CCDC25: variants seen among roughly 807,000 people sequenced by gnomAD.
The protein encoded by CCDC25 is coiled-coil domain-containing protein 25.
Under a neutral mutation model 35.3 loss-of-function variants are expected in CCDC25, and 16 were observed. The observed-to-expected ratio is 0.45, with a 90% CI of 0.31 to 0.69. CCDC25 has a LOEUF of 0.69. Among genes scored for constraint, CCDC25 ranks in the 30% least tolerant of loss-of-function variants. The pLI, the probability that CCDC25 is intolerant of heterozygous loss-of-function variation, is 0.06. For missense variants in CCDC25, 179 were observed against 250.7 expected, an observed-to-expected ratio of 0.71 and a Z score of 1.93; for synonymous variants, 79 against 80.3, an observed-to-expected ratio of 0.98 and a Z score of 0.09.
chr8:27,749,830 C>T, intron 5 of CCDC25, among the ~76,000 whole-genome samples: 1 of 152,130 alleles, frequency 6.6e-6, no homozygotes, highest in Non-Finnish European at 1.5e-5. Flanking sequence ...AGGACATGTT[C>T]AAGGGTCATG....
At chr8:27,756,268 A>AG in intron 4 of CCDC25, 1 of 156,862 alleles carries the variant, frequency 6.4e-6, no homozygotes, top group Non-Finnish European at 1.4e-5. Context: ...TTGTATTACT[A>AG]GGGGCCACTA....
intron 3 of CCDC25, among the ~76,000 whole-genome samples, chr8:27,762,031 A>G (rs4236674): frequency 0.98 from 149,029 of 152,288 alleles, 73,010 homozygotes; most frequent in Middle Eastern, 1. Context: ...AAGCTGGACC[A>G]GTAAGAACCT....
At chr8:27,746,763 C>G (rs1803616028) in intron 7 of CCDC25, among the ~76,000 whole-genome samples, 1 of 152,168 alleles carries the variant, frequency 6.6e-6, no homozygotes, top group Admixed American at 6.6e-5. Context: ...GGTAACATTT[C>G]TGAAGCTCTC....
At chr8:27,749,012 T>C (rs1803703619) in intron 5 of CCDC25, among the ~76,000 whole-genome samples, 1 of 152,204 alleles carries the variant, frequency 6.6e-6, no homozygotes, top group Non-Finnish European at 1.5e-5. Context: ...TATCCGGGAC[T>C]ACCACGAGCT....
rs563832920 is a variant in CCDC25 at position 27,740,405 on chromosome 8, C to T, written c.597+67G>A. On this transcript the variant is annotated intron_variant, in intron 8 of 8. Transcript: ENST00000356537. ...CATGTAAGGCAATAATGGCCAGTAA[C>T]ACAATTATTAAAAACCCTTAGTGAA... is the stretch of plus-strand genomic sequence containing the variant. 10 of 1,477,922 alleles carry T rather than the reference C, an allele frequency of 6.8e-6. No individual in the cohort carries two copies. The South Asian group carries it at 9.7e-5, about 14-fold the overall frequency. 91.6% of individuals were successfully genotyped at this position (1,477,922 alleles called of 1,614,324 possible). A position where few individuals can be genotyped will look rare whatever the true frequency, so the allele number is the denominator to read the frequency against.
intron 7 of CCDC25, among the ~76,000 whole-genome samples, chr8:27,741,495 G>A (rs1227868235): frequency 2.0e-5 from 3 of 152,156 alleles, no homozygotes; most frequent in Non-Finnish European, 4.4e-5. Context: ...CCTGACCAAT[G>A]TGGTGAAACC....
At chr8:27,767,585 G>A (rs568315197) in intron 1 of CCDC25, among the ~76,000 whole-genome samples, 8 of 152,246 alleles carry the variant, frequency 5.3e-5, no homozygotes, top group Middle Eastern at 3.4e-3. Context: ...AATTGCTCGC[G>A]ATTAGAGGAG....
In CCDC25 at chr8:27,751,276, T is replaced by G. The variant is rs977646163; in HGVS notation, c.244+1236A>C. Among the ~76,000 whole-genome samples the G allele has an allele frequency of 2.1e-4, 32 of 152,206 alleles. 2 individuals are homozygous for G. Among genetic ancestry groups the G allele is most frequent in the African/African-American group, 7.2e-4 (30 of 41,444 alleles). ...ACACAGAAGGAAAGAATATAATGATTGTTTCAATTCTTCTTGTTATTTCAG... is the reference window on the plus strand; with the variant it reads ...ACACAGAAGGAAAGAATATAATGATGGTTTCAATTCTTCTTGTTATTTCAG... On this transcript the variant is annotated intron_variant, in intron 5 of 8. Transcript: ENST00000356537.
chr8:27,758,415 G>A (rs12545651), intron 3 of CCDC25, among the ~76,000 whole-genome samples: 1 of 151,876 alleles, frequency 6.6e-6, no homozygotes. Flanking sequence ...ATGATGACTC[G>A]AGGTTTTACT....
At chr8:27,743,989 T>C (rs1374314507) in intron 7 of CCDC25, among the ~76,000 whole-genome samples, 1 of 152,192 alleles carries the variant, frequency 6.6e-6, no homozygotes, top group Non-Finnish European at 1.5e-5. Flanking sequence ...GGGGACTAAT[T>C]AAACTTTTGA....
At chr8:27,738,673 CA>C (rs1397034170) in intron 8 of CCDC25, among the ~76,000 whole-genome samples, 3 of 151,450 alleles carry the variant, frequency 2.0e-5, no homozygotes, top group African/African-American at 4.9e-5. Flanking sequence ...TTTAAAAATC[CA>C]AAATGATGAG....
intron 3 of CCDC25, among the ~76,000 whole-genome samples, chr8:27,758,988 AAAAT>A (rs1291005588): frequency 6.6e-6 from 1 of 152,246 alleles, no homozygotes; most frequent in African/African-American, 2.4e-5. Flanking sequence ...AGAGAAAAAA[AAAAT>A]CCAGCTCTAT....
At position 27,737,438 on chromosome 8, in the gene CCDC25, CAG is replaced by C. The variant is rs1803273877; in HGVS notation, c.598-1195_598-1194del. ...CTATAAAGGCTGTGAGTTAGATGTG[CAG>C]AGTCCCCACTTGTCTGGGGCTATGT... On this transcript the variant is annotated intron_variant, in intron 8 of 8. Coordinates refer to ENST00000356537, the MANE Select transcript of CCDC25 (RefSeq NM_018246.3). This position sits in a 1 kb window ranked among gnomAD's most constrained non-coding sequence, Gnocchi z 4.6. Among the ~76,000 whole-genome samples, 1 of 152,152 alleles carries C rather than the reference CAG, an allele frequency of 6.6e-6. No individual in the cohort carries two copies. Among genetic ancestry groups the C allele is most frequent in the African/African-American group, 2.4e-5 (1 of 41,432 alleles).
At chr8:27,740,447 A>G in intron 8 of CCDC25, 25 bp downstream of exon 8, 1 of 1,602,370 alleles carries the variant, frequency 6.2e-7, no homozygotes, top group Non-Finnish European at 8.5e-7. Context: ...CAAGGCAAAC[A>G]TTCATGCAAA....
intron 7 of CCDC25, among the ~76,000 whole-genome samples, chr8:27,747,163 A>C (rs1022653900): frequency 6.6e-6 from 1 of 152,196 alleles, no homozygotes; most frequent in African/African-American, 2.4e-5. Flanking sequence ...TGTAGAACCT[A>C]TAAATATGTT....
chr8:27,766,519 A>G (rs1804404835), intron 1 of CCDC25, among the ~76,000 whole-genome samples: 1 of 152,222 alleles, frequency 6.6e-6, no homozygotes, highest in African/African-American at 2.4e-5. Context: ...CCAAGTTTAT[A>G]GAAATGCTTG....
rs568517916 is a variant in CCDC25 at position 27,737,687 on chromosome 8, G to C, written c.598-1442C>G. On this transcript the variant is annotated intron_variant, in intron 8 of 8. Coordinates refer to ENST00000356537, the MANE Select transcript of CCDC25 (RefSeq NM_018246.3). The surrounding 1 kb of genome is among the most constrained non-coding windows in gnomAD (Gnocchi z 4.6). ...CAGCAAGGAGATTTCTTAAAGAACTGAAGTAGAACTACCATTTGATCCAGC... is the reference window on the plus strand; with the variant it reads ...CAGCAAGGAGATTTCTTAAAGAACTCAAGTAGAACTACCATTTGATCCAGC... Among the ~76,000 whole-genome samples, 2 of 152,100 alleles carry C rather than the reference G, an allele frequency of 1.3e-5. No individual in the cohort carries two copies. The highest frequency in any genetic ancestry group is 2.9e-5 in the Non-Finnish European group (2 of 68,004).
At chr8:27,763,788 T>C (rs1309921733) in intron 2 of CCDC25, among the ~76,000 whole-genome samples, 1 of 152,044 alleles carries the variant, frequency 6.6e-6, no homozygotes, top group Admixed American at 6.5e-5. Flanking sequence ...CAAGAAAGTA[T>C]GGTCTATATA....
At chr8:27,743,504 T>G (rs1803507796) in intron 7 of CCDC25, among the ~76,000 whole-genome samples, 1 of 152,264 alleles carries the variant, frequency 6.6e-6, no homozygotes, top group South Asian at 2.1e-4. Flanking sequence ...TTTGCCTTGC[T>G]GCTCCCATAC....
Sources: allele counts gnomAD v4.1 joint callset (sites outside exome capture counted in the v4.1 genomes callset), GRCh38; gene constraint gnomAD v4.1.1; non-coding constraint Gnocchi (gnomAD v3.1); transcripts MANE v1.5; gene names NCBI Gene and HGNC (gene_info 2026-07-23, HGNC 2026-07-21).